Variants in PLG observed in about 807,000 individuals in gnomAD.
PLG encodes the protein plasmin.
Under a neutral mutation model 104.4 loss-of-function variants are expected in PLG, and 41 were observed. That is an observed-to-expected ratio of 0.39 (90% confidence interval 0.31 to 0.51). The LOEUF (loss-of-function observed/expected upper bound fraction) is 0.51. PLG is among the 20% of genes least tolerant of loss of function. The pLI is 0.76. For missense variants in PLG, 891 were observed against 1,003.6 expected, an observed-to-expected ratio of 0.89 and a Z score of 1.52; for synonymous variants, 337 against 357.1, an observed-to-expected ratio of 0.94 and a Z score of 0.63.
chr6:160,716,270 T>C (rs1777728253), intron 6 of PLG, among the ~76,000 whole-genome samples: 1 of 152,198 alleles, frequency 6.6e-6, no homozygotes, highest in African/African-American at 2.4e-5. Context: ...CTGATTCTGT[T>C]GAGTGATTTT....
In PLG at chr6:160,736,775, T is replaced by C. The variant is rs117418915; in HGVS notation, c.1682-112T>C. ...TTCCAAAAGATGATGATTTTACTAT[T>C]TAGTTCGGCCTTTAAGATGTCAAAA... On this transcript the variant is annotated intron_variant, in intron 13 of 18. Coordinates refer to ENST00000308192, the MANE Select transcript of PLG (RefSeq NM_000301.5). This position sits in a 1 kb window ranked among gnomAD's most constrained non-coding sequence, Gnocchi z 5.2. The C allele has an allele frequency of 7.9e-4, 1,064 of 1,345,570 alleles. 19 individuals carry two copies. In the East Asian group the frequency reaches 0.024, roughly 30 times the overall value. 83.4% of individuals were successfully genotyped at this position (1,345,570 alleles called of 1,614,324 possible). A position where few individuals can be genotyped will look rare whatever the true frequency, so the allele number is the denominator to read the frequency against.
At chr6:160,720,709 G>A (rs774127008) in intron 9 of PLG, among the ~76,000 whole-genome samples, 21 of 152,182 alleles carry the variant, frequency 1.4e-4, no homozygotes, top group Non-Finnish European at 1.8e-4. Context: ...GTGAGCAACC[G>A]TGCCCAGCCT....
At chr6:160,714,511 T>C (rs746976816) in intron 5 of PLG, among the ~76,000 whole-genome samples, 2 of 152,194 alleles carry the variant, frequency 1.3e-5, no homozygotes, top group Non-Finnish European at 2.9e-5. Flanking sequence ...TCTAAGGACA[T>C]GGCATCATGG....
At chr6:160,742,411 T>C (rs940358736) in intron 17 of PLG, among the ~76,000 whole-genome samples, 1 of 152,200 alleles carries the variant, frequency 6.6e-6, no homozygotes, top group African/African-American at 2.4e-5. Context: ...ATCAGTGATA[T>C]TGAGCTTTTT....
chr6:160,706,162 C>T (rs1038954770), intron 1 of PLG: 2 of 552,350 alleles, frequency 3.6e-6, no homozygotes, highest in Non-Finnish European at 6.6e-6. Context: ...CAGCCCTTGC[C>T]TTGCTCCCTC....
rs1029348316 is a variant in PLG, at chr6:160,723,955, TA to T, written c.1256+1395del. Among the ~76,000 whole-genome samples, 5 of 152,230 alleles carry T rather than the reference TA, an allele frequency of 3.3e-5. No individual in the cohort carries two copies. The highest frequency in any genetic ancestry group is 2.6e-4 in the Admixed American group (4 of 15,286). The stretch of plus-strand genomic sequence containing the variant: ...GCATAGTAAAGCTGAAAAGCAAGTC[TA>T]AAAAAATCAACACGATCTCCAAGTA... On this transcript the variant is annotated intron_variant, in intron 10 of 18. Transcript: ENST00000308192. The surrounding 1 kb of genome is among the most constrained non-coding windows in gnomAD (Gnocchi z 4.7).
At chr6:160,709,729 T>TACA (rs879715332) in intron 3 of PLG, among the ~76,000 whole-genome samples, 148 of 152,320 alleles carry the variant, frequency 9.7e-4, no homozygotes, top group Non-Finnish European at 1.7e-3. Flanking sequence ...TTGATGAGTG[T>TACA]CTTATGTCTA....
rs1015786900 is a variant in PLG at position 160,711,778 on chromosome 6, G to A, written c.407+587G>A. On this transcript the variant is annotated intron_variant, in intron 4 of 18. Coordinates refer to ENST00000308192, the MANE Select transcript of PLG (RefSeq NM_000301.5). The stretch of plus-strand genomic sequence containing the variant: ...AAAAGATCAAAGATGACTATGTTTG[G>A]GACTGAAGTAAGCATATCAGGTTAG... 11 of 1,587,552 alleles carry A rather than the reference G, an allele frequency of 6.9e-6. No individual in the cohort carries two copies. In the Admixed American group the frequency reaches 1.9e-4, roughly 28 times the overall value.
chr6:160,752,696 C>A lies in PLG; in HGVS notation c.2272-204C>A, dbSNP rs4252198. On this transcript the variant is annotated intron_variant, in intron 18 of 18. Transcript: ENST00000308192. The surrounding 1 kb of genome is among the most constrained non-coding windows in gnomAD (Gnocchi z 4.7). Reference sequence around the variant, plus strand: ...GATTCACAAAAGATCTTTTCTACCCCCCGGAAAAACTAAGTGGTGTGGTTT... The same window carrying A: ...GATTCACAAAAGATCTTTTCTACCCACCGGAAAAACTAAGTGGTGTGGTTT... Among the ~76,000 whole-genome samples, 1 of 152,184 alleles carries A rather than the reference C, an allele frequency of 6.6e-6. No individual in the cohort carries two copies. Among genetic ancestry groups the A allele is most frequent in the Non-Finnish European group, 1.5e-5 (1 of 68,046 alleles).
In PLG at chr6:160,731,737, C is replaced by A. The variant is rs755647724; in HGVS notation, c.1439-8C>A. ...CTCTTCATAATCATCCATTTTTTCC[C>A]TGTACAGACTGTATGTTTGGGAATG... On this transcript the variant is annotated splice_region_variant and splice_polypyrimidine_tract_variant and intron_variant, in intron 11 of 18. Coordinates refer to ENST00000308192, the MANE Select transcript of PLG (RefSeq NM_000301.5). This position sits in a 1 kb window ranked among gnomAD's most constrained non-coding sequence, Gnocchi z 5.1. 1.2e-5 allele frequency: 19 copies of A among 1,613,254 alleles called. No individual in the cohort carries two copies. The highest frequency in any genetic ancestry group is 1.6e-5 in the Non-Finnish European group (19 of 1,179,458).
At chr6:160,729,955 A>C (rs1777973503) in intron 10 of PLG, among the ~76,000 whole-genome samples, 1 of 152,228 alleles carries the variant, frequency 6.6e-6, no homozygotes, top group Non-Finnish European at 1.5e-5. Flanking sequence ...AGTTGCTTAG[A>C]CTATGAACTT....
rs1777927417 is a variant in PLG, at chr6:160,726,676, A to C, written c.1256+4109A>C. 6.6e-6 allele frequency among the ~76,000 whole-genome samples: 1 copy of C among 152,026 alleles called. No homozygotes were observed. The highest frequency in any genetic ancestry group is 2.1e-4 in the South Asian group (1 of 4,832). ...TCCAGAGGCTACATAATGTTTGATCACATTATCTCTCTGATGGCTAATAAA... is the reference window on the plus strand; with the variant it reads ...TCCAGAGGCTACATAATGTTTGATCCCATTATCTCTCTGATGGCTAATAAA... On this transcript the variant is annotated intron_variant, in intron 10 of 18. Transcript: ENST00000308192. This position sits in a 1 kb window ranked among gnomAD's most constrained non-coding sequence, Gnocchi z 4.4.
At chr6:160,720,614 T>C (rs973788913) in intron 9 of PLG, among the ~76,000 whole-genome samples, 6 of 152,064 alleles carry the variant, frequency 3.9e-5, no homozygotes, top group Non-Finnish European at 1.5e-5. Flanking sequence ...GAGACAGAGT[T>C]TCGCCATGTT....
At position 160,739,333 on chromosome 6, in the gene PLG, G is replaced by A. The variant is rs1778145682; in HGVS notation, c.2018+125G>A. On this transcript the variant is annotated intron_variant, in intron 16 of 18. Transcript: ENST00000308192. This position sits in a 1 kb window ranked among gnomAD's most constrained non-coding sequence, Gnocchi z 4.4. ...CTGTCTATCACATGAAAGGCTCAAG[G>A]GCTTTGGGGACAGCATCAATCTTCA... The A allele has an allele frequency of 1.6e-6, 2 of 1,261,978 alleles. No individual in the cohort carries two copies. The highest frequency in any genetic ancestry group is 2.3e-6 in the Non-Finnish European group (2 of 870,744). The allele number at this position is 1,261,978 out of a possible 1,614,324, so 78.2% of individuals were successfully genotyped here. A position where few individuals can be genotyped will look rare whatever the true frequency, so the allele number is the denominator to read the frequency against.
rs1278097517 is a variant in PLG at position 160,714,933 on chromosome 6, A to C, written c.668+19A>C. 1.2e-6 allele frequency: 2 copies of C among 1,611,600 alleles called. No homozygotes were observed. Among genetic ancestry groups the C allele is most frequent in the South Asian group, 2.2e-5 (2 of 91,010 alleles). On this transcript the variant is annotated intron_variant, in intron 6 of 18. Transcript: ENST00000308192. ...CTTCCAAGTAAGTCTCACTGGGAAA[A>C]ACATTCCATGTTTAATTAAGGCTCT...
chr6:160,711,034 T>C, intron 3 of PLG, 43 bp from the exon 4 acceptor site: 2 of 1,602,570 alleles, frequency 1.2e-6, no homozygotes, highest in Non-Finnish European at 1.7e-6. Context: ...CTTCATGTGG[T>C]GTCTTGTGAA....
chr6:160,746,664 C>T (rs1418085311), intron 17 of PLG, among the ~76,000 whole-genome samples: 2 of 152,138 alleles, frequency 1.3e-5, no homozygotes, highest in Admixed American at 1.3e-4. Flanking sequence ...GTTAAGAACC[C>T]TTGTTAGAGA....
At chr6:160,729,276 G>C (rs1398165617) in intron 10 of PLG, among the ~76,000 whole-genome samples, 3 of 152,192 alleles carry the variant, frequency 2.0e-5, no homozygotes, top group Non-Finnish European at 4.4e-5. Flanking sequence ...TGTGGAGCGA[G>C]GATGTGCAGC....
intron 6 of PLG, among the ~76,000 whole-genome samples, chr6:160,716,272 A>T (rs1364994277): frequency 2.0e-5 from 3 of 152,224 alleles, no homozygotes; most frequent in Non-Finnish European, 4.4e-5. Context: ...GATTCTGTTG[A>T]GTGATTTTTA....
Sources: gnomAD v4.1 joint callset for allele counts (sites outside exome capture counted in the v4.1 genomes callset) on GRCh38, gnomAD v4.1.1 for gene constraint, Gnocchi (gnomAD v3.1) non-coding constraint, MANE v1.5 for transcripts, NCBI Gene and HGNC (gene_info 2026-07-23, HGNC 2026-07-21) for gene names.